OSBPL11: variants seen among roughly 807,000 people sequenced by gnomAD.
The protein encoded by OSBPL11 is oxysterol-binding protein-related protein 11.
OSBPL11 carries 33 observed loss-of-function variants against 84.4 expected under a neutral mutation model. That is an observed-to-expected ratio of 0.39 (90% CI 0.30 to 0.52). The LOEUF (loss-of-function observed/expected upper bound fraction) is 0.52, where lower values mean the gene tolerates loss of function less well. OSBPL11 is among the 20% of genes least tolerant of loss of function. OSBPL11 has a pLI of 0.72. For synonymous variants in OSBPL11, 276 were observed against 310.2 expected (o/e 0.89, Z 1.16); for missense variants, 736 against 901.1 (o/e 0.82, Z 2.35).
intron 10 of OSBPL11, among the ~76,000 whole-genome samples, chr3:125,542,709 A>G (rs1274627953): frequency 1.3e-5 from 2 of 151,912 alleles, no homozygotes; most frequent in Non-Finnish European, 2.9e-5. Flanking sequence ...ACGGGGTTTC[A>G]CTGTGTTAGC....
At chr3:125,579,116 G>C (rs1359542031) in intron 3 of OSBPL11, 77 bp from the exon 4 acceptor site, 1 of 1,080,996 alleles carries the variant, frequency 9.3e-7, no homozygotes, top group Non-Finnish European at 1.3e-6. Flanking sequence ...ATGAAGATCA[G>C]ATCACTGAAA....
At chr3:125,554,220 A>G (rs1030017125) in intron 8 of OSBPL11, among the ~76,000 whole-genome samples, 3 of 152,250 alleles carry the variant, frequency 2.0e-5, no homozygotes, top group African/African-American at 7.2e-5. Flanking sequence ...ACTGGAGAAT[A>G]GCAAGGAATT....
chr3:125,538,405 T>G, intron 11 of OSBPL11, 46 bp downstream of exon 11: 1 of 1,566,118 alleles, frequency 6.4e-7, no homozygotes, highest in Non-Finnish European at 8.7e-7. Context: ...TAGATTAAGA[T>G]GCAGAGCATC....
intron 2 of OSBPL11, among the ~76,000 whole-genome samples, chr3:125,581,153 C>T (rs1936417929): frequency 6.6e-6 from 1 of 151,328 alleles, no homozygotes; most frequent in Non-Finnish European, 1.5e-5. Flanking sequence ...AGTGCAGTGG[C>T]ACCACCTTGA....
Position 125,592,211 on chromosome 3 carries a change from T to C in OSBPL11, c.164+2426A>G, listed in dbSNP as rs186942011. On this transcript the variant is annotated intron_variant, in intron 1 of 12. Transcript: ENST00000296220. ...ATGCCACCATGCCTGGCTAATTTTTTAATTTTTTGTAGAGATGGGGTCTCT... is the reference window on the plus strand; with the variant it reads ...ATGCCACCATGCCTGGCTAATTTTTCAATTTTTTGTAGAGATGGGGTCTCT... Among the ~76,000 whole-genome samples the C allele has an allele frequency of 2.0e-4, 31 of 152,158 alleles. No individual in the cohort carries two copies. The East Asian group carries it at 4.1e-3, about 20-fold the overall frequency.
chr3:125,551,633 T>C (rs1580046462), intron 9 of OSBPL11, among the ~76,000 whole-genome samples: 1 of 151,874 alleles, frequency 6.6e-6, no homozygotes, highest in Admixed American at 6.6e-5. Flanking sequence ...TAGCTGGGTG[T>C]GGTGGCATGG....
At chr3:125,583,058 C>G in intron 1 of OSBPL11, 80 bp from the exon 2 acceptor site, 1 of 962,646 alleles carries the variant, frequency 1.0e-6, no homozygotes, top group Non-Finnish European at 1.6e-6. Context: ...TTCAAAATAG[C>G]TGCAGATACA....
chr3:125,590,026 T>G (rs1197237832), intron 1 of OSBPL11, among the ~76,000 whole-genome samples: 1 of 152,210 alleles, frequency 6.6e-6, no homozygotes, highest in Non-Finnish European at 1.5e-5. Flanking sequence ...GGTGGCATAT[T>G]TGCAGATTTG....
intron 2 of OSBPL11, among the ~76,000 whole-genome samples, chr3:125,581,520 A>AC (rs1936424652): frequency 6.6e-6 from 1 of 150,830 alleles, no homozygotes; most frequent in Non-Finnish European, 1.5e-5. Context: ...ACACGGTGAA[A>AC]CCCCGTCTCT....
At chr3:125,586,599 G>A (rs1329305684) in intron 1 of OSBPL11, among the ~76,000 whole-genome samples, 2 of 150,508 alleles carry the variant, frequency 1.3e-5, no homozygotes, top group African/African-American at 4.9e-5. Context: ...TACAACCTCC[G>A]CCTGCTGTGT....
At chr3:125,539,834 G>A (rs1042146344) in intron 10 of OSBPL11, among the ~76,000 whole-genome samples, 12 of 152,146 alleles carry the variant, frequency 7.9e-5, no homozygotes, top group Non-Finnish European at 1.5e-4. Context: ...TCAGAACTTA[G>A]GGAATGATAG....
At chr3:125,533,049 T>C (rs1935584944) in intron 11 of OSBPL11, among the ~76,000 whole-genome samples, 1 of 151,956 alleles carries the variant, frequency 6.6e-6, no homozygotes, top group Admixed American at 6.6e-5. Flanking sequence ...TAACTGTAAA[T>C]GAACAAGAGA....
chr3:125,579,838 G>A (rs758337506), intron 3 of OSBPL11, 27 bp downstream of exon 3: 3 of 1,605,276 alleles, frequency 1.9e-6, no homozygotes, highest in South Asian at 1.1e-5. Context: ...GAAAATCACA[G>A]TATTAATTCT....
intron 1 of OSBPL11, among the ~76,000 whole-genome samples, chr3:125,590,863 A>G (rs1936585780): frequency 6.6e-6 from 1 of 152,226 alleles, no homozygotes; most frequent in Non-Finnish European, 1.5e-5. Context: ...TAATACCTCT[A>G]TGTAAATATC....
At chr3:125,593,619 CAA>C (rs34098923) in intron 1 of OSBPL11, among the ~76,000 whole-genome samples, 9 of 109,886 alleles carry the variant, frequency 8.2e-5, no homozygotes, top group African/African-American at 3.4e-5. Context: ...GACTCTGCCT[CAA>C]AAAAAAAAAA....
In OSBPL11 at chr3:125,567,581, A is replaced by G. The variant is rs1488548523; in HGVS notation, c.681T>C (p.Ala227=). 6.2e-7 allele frequency: 1 copy of G among 1,614,002 alleles called. No individual in the cohort carries two copies. Residue 227 remains alanine (A), a synonymous_variant, in exon 6 of 13, where the codon GCT becomes GCC. Transcript: ENST00000296220. ...LVEVREMMSH[A]EGQQRDLIRR... The stretch of plus-strand genomic sequence containing the variant: ...TAATTAAGTCTCTTTGTTGTCCTTC[A>G]GCATGAGACATCATCTAAGGAAAAA...
intron 1 of OSBPL11, among the ~76,000 whole-genome samples, chr3:125,590,956 T>G (rs1402592706): frequency 6.6e-6 from 1 of 152,208 alleles, no homozygotes; most frequent in Non-Finnish European, 1.5e-5. Context: ...CTATATTGCC[T>G]AAGTCTATAT....
chr3:125,585,762 C>T lies in OSBPL11; in HGVS notation c.165-2784G>A, dbSNP rs1029743660. On this transcript the variant is annotated intron_variant, in intron 1 of 12. Coordinates refer to ENST00000296220, the MANE Select transcript of OSBPL11 (RefSeq NM_022776.5). ...CATTCTTCCCCTTTTCCATGTATCC[C>T]AAGAAATAGCCACTATCGAAGGCAA... is the stretch of plus-strand genomic sequence containing the variant. Among the ~76,000 whole-genome samples, 6 of 152,286 alleles carry T rather than the reference C, an allele frequency of 3.9e-5. No homozygotes were observed. The East Asian group carries it at 1.2e-3, about 29-fold the overall frequency.
rs757865056 is a variant in OSBPL11 at position 125,547,485 on chromosome 3, T to G, written c.1762A>C (p.Ser588Arg). The change falls in exon 10 of 13, where the codon AGT (serine) becomes CGT (arginine). Residue 588 changes from serine to arginine, a missense_variant. Around this residue, in one of 3 missense-constraint regions of OSBPL11, gnomAD observed 579 missense variants for 717.6 expected, o/e 0.81. Coordinates refer to ENST00000296220, the MANE Select transcript of OSBPL11 (RefSeq NM_022776.5). Reference sequence around the variant, plus strand: ...TATCCAGTTTTTGCACAGTTGACACTGACTTTGCCACCCAGTTCTACCCAA... The same window carrying G: ...TATCCAGTTTTTGCACAGTTGACACGGACTTTGCCACCCAGTTCTACCCAA... ...VPWVELGGKV[S>R]VNCAKTGYSA... is the part of the protein sequence containing the mutation. 1 of 1,614,158 alleles carries G rather than the reference T, an allele frequency of 6.2e-7. No individual in the cohort carries two copies. The highest frequency in any genetic ancestry group is 8.5e-7 in the Non-Finnish European group (1 of 1,180,016).
Sources: allele counts gnomAD v4.1 joint callset (sites outside exome capture counted in the v4.1 genomes callset), GRCh38; gene constraint gnomAD v4.1.1; regional missense constraint gnomAD v4.1.1; transcripts MANE v1.5; gene names NCBI Gene and HGNC (gene_info 2026-07-23, HGNC 2026-07-21).